MCTP1: variants seen among roughly 807,000 people sequenced by gnomAD.
MCTP1 encodes the protein multiple C2 and transmembrane domain-containing protein 1.
In MCTP1, 69 loss-of-function variants were observed where a neutral mutation model predicts 120.6. The observed-to-expected ratio is 0.57, with a 90% CI of 0.47 to 0.70. MCTP1 has a LOEUF of 0.70. MCTP1 is among the 30% of genes least tolerant of loss of function. The pLI is 0.00. For missense variants in MCTP1, 1,203 were observed against 1,248.8 expected (o/e 0.96, Z 0.55); for synonymous variants, 529 against 493.1 (o/e 1.07, Z -0.96).
chr5:95,214,141 C>A (rs1264058371), intron 1 of MCTP1, among the ~76,000 whole-genome samples: 1 of 152,280 alleles, frequency 6.6e-6, no homozygotes, highest in East Asian at 1.9e-4. Flanking sequence ...TATCCAGAAT[C>A]TACAAAGAAC....
chr5:94,751,483 A>G (rs2152803847), intron 19 of MCTP1, among the ~76,000 whole-genome samples: 1 of 152,088 alleles, frequency 6.6e-6, no homozygotes, highest in East Asian at 1.9e-4. Context: ...TGAAAGCCTA[A>G]TAAAAGTGAC....
At chr5:95,161,580 G>C (rs765428395) in intron 1 of MCTP1, among the ~76,000 whole-genome samples, 1 of 152,162 alleles carries the variant, frequency 6.6e-6, no homozygotes, top group Admixed American at 6.5e-5. Context: ...ATTGCTAAAA[G>C]AGATTTTAAA....
chr5:95,183,675 A>C (rs1462103997), intron 1 of MCTP1, among the ~76,000 whole-genome samples: 1 of 152,152 alleles, frequency 6.6e-6, no homozygotes, highest in Non-Finnish European at 1.5e-5. Flanking sequence ...AATTGGGCAA[A>C]GATTGAGCCG....
intron 13 of MCTP1, among the ~76,000 whole-genome samples, chr5:94,871,703 G>C (rs935843440): frequency 2.6e-5 from 4 of 151,978 alleles, no homozygotes; most frequent in Non-Finnish European, 5.9e-5. Flanking sequence ...CACAGAATAA[G>C]TTATTTAAAA....
At chr5:94,891,408 C>A (rs1314192955) in intron 11 of MCTP1, among the ~76,000 whole-genome samples, 2 of 152,168 alleles carry the variant, frequency 1.3e-5, no homozygotes, top group African/African-American at 4.8e-5. Context: ...TCAGAGCTTA[C>A]ACAATGTTGT....
chr5:94,894,567 G>T, intron 11 of MCTP1, 82 bp downstream of exon 11: 2 of 1,046,898 alleles, frequency 1.9e-6, no homozygotes, highest in Non-Finnish European at 2.7e-6. Flanking sequence ...CTTCTCAGAA[G>T]TACTTCTGTC....
intron 19 of MCTP1, among the ~76,000 whole-genome samples, chr5:94,735,931 G>C (rs1231870384): frequency 6.6e-6 from 1 of 152,122 alleles, no homozygotes; most frequent in African/African-American, 2.4e-5. Flanking sequence ...ACAGCAATTG[G>C]GTAAAGTACA....
At chr5:95,147,532 T>C (rs184954345) in intron 1 of MCTP1, among the ~76,000 whole-genome samples, 144 of 152,342 alleles carry the variant, frequency 9.5e-4, no homozygotes, top group African/African-American at 3.0e-3. Flanking sequence ...CTTGCTCTTT[T>C]TTGTTTTCCT....
intron 1 of MCTP1, among the ~76,000 whole-genome samples, chr5:95,077,807 A>G (rs923402556): frequency 1.3e-5 from 2 of 152,158 alleles, no homozygotes; most frequent in Non-Finnish European, 2.9e-5. Flanking sequence ...CTAACATGAA[A>G]TAGGAGGAAA....
At chr5:95,117,588 T>A (rs964445896) in intron 1 of MCTP1, among the ~76,000 whole-genome samples, 1 of 152,132 alleles carries the variant, frequency 6.6e-6, no homozygotes. Flanking sequence ...GTTCAACCAT[T>A]GTAGAAGACA....
At chr5:95,083,501 G>A (rs1226193673) in intron 1 of MCTP1, among the ~76,000 whole-genome samples, 1 of 152,186 alleles carries the variant, frequency 6.6e-6, no homozygotes, top group Non-Finnish European at 1.5e-5. Flanking sequence ...GGATGGGCAT[G>A]TGACCCACGC....
chr5:94,859,482 G>A (rs935157206), intron 17 of MCTP1, among the ~76,000 whole-genome samples: 2 of 151,712 alleles, frequency 1.3e-5, no homozygotes, highest in African/African-American at 2.4e-5. Context: ...ATAAATGTTC[G>A]AGGTGCTGCT....
At position 94,863,575 on chromosome 5, in the gene MCTP1, T is replaced by G. The variant is rs188941283; in HGVS notation, c.2436+4758A>C. Among the ~76,000 whole-genome samples the G allele has an allele frequency of 8.4e-4, 128 of 152,044 alleles. 1 individual carries two copies. Among genetic ancestry groups the G allele is most frequent in the Admixed American group, 2.7e-3 (41 of 15,252 alleles). ...TACAGGTGATGTAGACATGCCTTTG[T>G]TTTCACATTGATACTTCTTCTTAAG... On this transcript the variant is annotated intron_variant, in intron 17 of 22. Transcript: ENST00000515393.
At chr5:94,972,315 G>A (rs535842455) in intron 2 of MCTP1, among the ~76,000 whole-genome samples, 2 of 152,136 alleles carry the variant, frequency 1.3e-5, no homozygotes, top group African/African-American at 4.8e-5. Flanking sequence ...GGAGACTATG[G>A]ATCCTAATTT....
chr5:95,242,053 A>C (rs1756226097), intron 1 of MCTP1, among the ~76,000 whole-genome samples: 1 of 152,218 alleles, frequency 6.6e-6, no homozygotes, highest in South Asian at 2.1e-4. Context: ...AAAAGTCCTC[A>C]GAGAAATGCT....
intron 19 of MCTP1, among the ~76,000 whole-genome samples, chr5:94,767,527 A>G (rs1013940586): frequency 2.6e-5 from 4 of 152,188 alleles, no homozygotes; most frequent in African/African-American, 9.6e-5. Context: ...AGACACCACA[A>G]AAAAACCTCT....
chr5:94,810,062 A>T (rs912783151), intron 17 of MCTP1, among the ~76,000 whole-genome samples: 6 of 152,082 alleles, frequency 3.9e-5, no homozygotes, highest in Non-Finnish European at 1.5e-5. Flanking sequence ...TCATTACATG[A>T]TGTTCTGATA....
chr5:94,990,853 A>T (rs1831408538), intron 2 of MCTP1, among the ~76,000 whole-genome samples: 1 of 151,666 alleles, frequency 6.6e-6, no homozygotes. Flanking sequence ...TTCAAGGCAC[A>T]GATAAATCAC....
chr5:94,955,957 A>G (rs934371982), intron 2 of MCTP1, among the ~76,000 whole-genome samples: 1 of 152,202 alleles, frequency 6.6e-6, no homozygotes, highest in African/African-American at 2.4e-5. Context: ...CCTGACTCCC[A>G]TGCTTCCTGA....
Sources: allele counts gnomAD v4.1 joint callset (sites outside exome capture counted in the v4.1 genomes callset), GRCh38; gene constraint gnomAD v4.1.1; transcripts MANE v1.5; gene names NCBI Gene and HGNC (gene_info 2026-07-23, HGNC 2026-07-21).